CLP1: variants seen among roughly 807,000 people sequenced by gnomAD.
CLP1 encodes the protein cleavage factor polyribonucleotide kinase subunit 1, also known as polyribonucleotide 5'-hydroxyl-kinase Clp1.
In CLP1, 18 loss-of-function variants were observed where a neutral mutation model predicts 29.9. That is an observed-to-expected ratio of 0.60 (90% CI 0.42 to 0.89). The LOEUF is 0.89. Ranked by LOEUF, CLP1 falls within the 40% of genes least tolerant of loss-of-function variation. CLP1 has a pLI of 0.00. For synonymous variants in CLP1, 162 were observed against 206.2 expected, an observed-to-expected ratio of 0.79 and a Z score of 1.84; for missense variants, 357 against 544.8, an observed-to-expected ratio of 0.66 and a Z score of 3.43.
At position 57,661,597 on chromosome 11, in the gene CLP1, A is replaced by T; in HGVS notation, c.*161A>T. On this transcript the variant is annotated 3_prime_UTR_variant, in exon 3 of 3. Coordinates refer to ENST00000533682, the MANE Select transcript of CLP1 (RefSeq NM_006831.3). ...TCTAAAAACAGGTAGTGGTAACCTGACTCTTCTAATCTTGAACCAAAAGGA... is the reference window on the plus strand; with the variant it reads ...TCTAAAAACAGGTAGTGGTAACCTGTCTCTTCTAATCTTGAACCAAAAGGA... 1 of 615,780 alleles carries T rather than the reference A, an allele frequency of 1.6e-6. No individual in the cohort carries two copies. Among genetic ancestry groups the T allele is most frequent in the Non-Finnish European group, 2.8e-6 (1 of 357,544 alleles). 38.1% of individuals were successfully genotyped at this position (615,780 alleles called of 1,614,324 possible).
At chr11:57,660,678 T>C (rs536243675) in intron 2 of CLP1, 87 bp from the exon 3 acceptor site, 210 of 1,128,062 alleles carry the variant, frequency 1.9e-4, no homozygotes, top group South Asian at 4.8e-4. Context: ...TTTTCTTATA[T>C]CTAATAGCAC....
At position 57,660,760 on chromosome 11, in the gene CLP1, T is replaced by G; in HGVS notation, c.607-5T>G. On this transcript the variant is annotated splice_region_variant and splice_polypyrimidine_tract_variant and intron_variant, in intron 2 of 2. Coordinates refer to ENST00000533682, the MANE Select transcript of CLP1 (RefSeq NM_006831.3). ...TTGTTCTTACCTTGATCCTCTCTTTTGCAGATTACATCTCGTTTAGCAGAT... is the reference window on the plus strand; with the variant it reads ...TTGTTCTTACCTTGATCCTCTCTTTGGCAGATTACATCTCGTTTAGCAGAT... The G allele has an allele frequency of 6.4e-7, 1 of 1,570,512 alleles. No homozygotes were observed. Among genetic ancestry groups the G allele is most frequent in the Non-Finnish European group, 8.6e-7 (1 of 1,156,402 alleles).
chr11:57,658,484 T>C (rs1945842534), intron 1 of CLP1, among the ~76,000 whole-genome samples: 1 of 152,186 alleles, frequency 6.6e-6, no homozygotes, highest in Non-Finnish European at 1.5e-5. Context: ...CAAAAATGCC[T>C]AAGTCTTACA....
At position 57,660,947 on chromosome 11, in the gene CLP1, C is replaced by T. The variant is rs763551843; in HGVS notation, c.789C>T (p.Tyr263=). 3 of 1,614,188 alleles carry T rather than the reference C, an allele frequency of 1.9e-6. No individual in the cohort carries two copies. The highest frequency in any genetic ancestry group is 3.3e-5 in the Admixed American group (2 of 60,016). ...TTGTTCTGGATCAAGAACGACTGTA[C>T]AATGAACTGAAACGGGACCTCCCCC... ...VVVVLDQERL[Y]NELKRDLPHF... is the part of the protein sequence containing the mutation. Residue 263 remains tyrosine (Y), a synonymous_variant, in exon 3 of 3, where the codon TAC becomes TAT. Transcript: ENST00000533682.
chr11:57,660,577 G>T lies in CLP1; in HGVS notation c.607-188G>T, dbSNP rs531009975. On this transcript the variant is annotated intron_variant, in intron 2 of 2. Transcript: ENST00000533682. Reference sequence around the variant, plus strand: ...ACTGAGGCAGGAGAATCACTTGAACGCGGGAGGTGGAGGTTGCAGTGAGCT... The same window carrying T: ...ACTGAGGCAGGAGAATCACTTGAACTCGGGAGGTGGAGGTTGCAGTGAGCT... Among the ~76,000 whole-genome samples the T allele has an allele frequency of 7.2e-5, 11 of 152,248 alleles. 1 individual carries two copies. Among genetic ancestry groups the T allele is most frequent in the Non-Finnish European group, 1.3e-4 (9 of 68,012 alleles).
rs1235523632 is a variant in CLP1 at position 57,660,817 on chromosome 11, G to A, written c.659G>A (p.Arg220Lys). The change falls in exon 3 of 3, where the codon AGG (arginine) becomes AAG (lysine). Residue 220 changes from arginine (R) to lysine (K), a missense_variant. By Grantham distance (26) the Arg-to-Lys change is conservative (BLOSUM62 2). Transcript: ENST00000533682. ...VFNQRCEVNR[R>K]ASVSGCVINT... ...AACCAAAGGTGTGAGGTGAACCGAA[G>A]GGCATCTGTGAGTGGCTGTGTCATT... 6.2e-7 allele frequency: 1 copy of A among 1,612,398 alleles called. No individual in the cohort carries two copies.
chr11:57,661,825 T>A lies in CLP1; in HGVS notation c.*389T>A, dbSNP rs1316589371. The A allele has an allele frequency of 4.7e-6, 1 of 211,626 alleles. No individual in the cohort carries two copies. The highest frequency in any genetic ancestry group is 2.3e-5 in the African/African-American group (1 of 43,946). 13.1% of individuals were successfully genotyped at this position (211,626 alleles called of 1,614,324 possible). The stretch of plus-strand genomic sequence containing the variant: ...GGACTCCTTCCAATAAAGTTCAAAC[T>A]TAAAAAAAATCATTTTAATAAATAT... On this transcript the variant is annotated 3_prime_UTR_variant, in exon 3 of 3. Coordinates refer to ENST00000533682, the MANE Select transcript of CLP1 (RefSeq NM_006831.3).
At position 57,661,082 on chromosome 11, in the gene CLP1, C is replaced by G. The variant is rs1945872796; in HGVS notation, c.924C>G (p.Phe308Leu). 1 of 1,614,208 alleles carries G rather than the reference C, an allele frequency of 6.2e-7. No individual in the cohort carries two copies. Among genetic ancestry groups the G allele is most frequent in the African/African-American group, 1.3e-5 (1 of 75,034 alleles). The change falls in exon 3 of 3, where the codon TTC becomes TTG. Residue 308 changes from phenylalanine to leucine, a missense_variant. Phe to Leu is a conservative substitution (Grantham distance 22). Coordinates refer to ENST00000533682, the MANE Select transcript of CLP1 (RefSeq NM_006831.3). ...DERIREYFYG[F>L]RGCFYPHAFN... ...GTATCCGTGAGTATTTTTATGGATT[C>G]CGAGGCTGTTTCTATCCCCATGCCT...
chr11:57,661,252 T>G lies in CLP1; in HGVS notation c.1094T>G (p.Leu365Arg). 1 of 1,614,220 alleles carries G rather than the reference T, an allele frequency of 6.2e-7. No individual in the cohort carries two copies. ...VTPGRDMVHH[L>R]LSVSTAEGTE... The stretch of plus-strand genomic sequence containing the variant: ...CCTGGGCGAGATATGGTGCACCACC[T>G]ACTGAGTGTTAGCACTGCCGAGGGT... Residue 365 changes from leucine to arginine, a missense_variant, in exon 3 of 3, where the codon CTA becomes CGA. Coordinates refer to ENST00000533682, the MANE Select transcript of CLP1 (RefSeq NM_006831.3).
rs759409566 is a variant in CLP1 at position 57,660,898 on chromosome 11, C to T, written c.740C>T (p.Ser247Leu). Reference protein sequence around the residue: ...SGYQALVHAASAFEVDVVVVL... With the variant: ...SGYQALVHAALAFEVDVVVVL... ...TACCAGGCTCTGGTGCATGCAGCCT[C>T]AGCTTTTGAGGTGGATGTCGTTGTT... The change falls in exon 3 of 3, where the codon TCA (serine) becomes TTA (leucine). Residue 247 changes from serine to leucine, a missense_variant. Coordinates refer to ENST00000533682, the MANE Select transcript of CLP1 (RefSeq NM_006831.3). The T allele has an allele frequency of 1.2e-6, 2 of 1,614,170 alleles. No homozygotes were observed. The highest frequency in any genetic ancestry group is 1.7e-6 in the Non-Finnish European group (2 of 1,180,028).
In CLP1 at chr11:57,659,577, A is replaced by G. The variant is rs1945854373; in HGVS notation, c.101A>G (p.Gln34Arg). The G allele has an allele frequency of 6.2e-7, 1 of 1,614,036 alleles. No homozygotes were observed. Among genetic ancestry groups the G allele is most frequent in the Non-Finnish European group, 8.5e-7 (1 of 1,180,030 alleles). The part of the protein sequence containing the change: ...RFEVEASQSV[Q>R]LELLTGMAEI... ...GAGGTGGAGGCATCTCAGTCAGTTC[A>G]GTTGGAGTTGTTGACTGGCATGGCA... Residue 34 changes from glutamine (Q) to arginine (R), a missense_variant, in exon 2 of 3, where the codon CAG becomes CGG. Coordinates refer to ENST00000533682, the MANE Select transcript of CLP1 (RefSeq NM_006831.3).
Position 57,660,823 on chromosome 11 carries a change from C to T in CLP1, c.665C>T (p.Ser222Phe). 1 of 1,613,006 alleles carries T rather than the reference C, an allele frequency of 6.2e-7. No homozygotes were observed. Among genetic ancestry groups the T allele is most frequent in the Non-Finnish European group, 8.5e-7 (1 of 1,179,078 alleles). Residue 222 changes from serine to phenylalanine, a missense_variant, in exon 3 of 3, where the codon TCT becomes TTT. Physicochemically the swap from Ser to Phe is radical, Grantham distance 155. Coordinates refer to ENST00000533682, the MANE Select transcript of CLP1 (RefSeq NM_006831.3). The part of the protein sequence containing the change: ...NQRCEVNRRA[S>F]VSGCVINTCG... The stretch of plus-strand genomic sequence containing the variant: ...AGGTGTGAGGTGAACCGAAGGGCAT[C>T]TGTGAGTGGCTGTGTCATTAACACC...
In CLP1 at chr11:57,660,944, G is replaced by A. The variant is rs1340205221; in HGVS notation, c.786G>A (p.Leu262=). ...DVVVVLDQER[L]YNELKRDLPH... Reference sequence around the variant, plus strand: ...TTGTTGTTCTGGATCAAGAACGACTGTACAATGAACTGAAACGGGACCTCC... The same window carrying A: ...TTGTTGTTCTGGATCAAGAACGACTATACAATGAACTGAAACGGGACCTCC... Residue 262 remains leucine (L), a synonymous_variant, in exon 3 of 3, where the codon CTG becomes CTA. Transcript: ENST00000533682. 1 of 1,614,096 alleles carries A rather than the reference G, an allele frequency of 6.2e-7. No individual in the cohort carries two copies. Among genetic ancestry groups the A allele is most frequent in the African/African-American group, 1.3e-5 (1 of 74,930 alleles).
chr11:57,660,868 C>G lies in CLP1; in HGVS notation c.710C>G (p.Ser237Cys), dbSNP rs1945869696. 1 of 1,614,164 alleles carries G rather than the reference C, an allele frequency of 6.2e-7. No homozygotes were observed. Among genetic ancestry groups the G allele is most frequent in the Non-Finnish European group, 8.5e-7 (1 of 1,180,026 alleles). The change falls in exon 3 of 3, where the codon TCT becomes TGT. Residue 237 changes from serine to cysteine, a missense_variant. Physicochemically the swap from Ser to Cys is moderately radical, Grantham distance 112. Transcript: ENST00000533682. ...AACACCTGTGGCTGGGTCAAGGGCT[C>G]TGGTTACCAGGCTCTGGTGCATGCA... is the stretch of plus-strand genomic sequence containing the variant. ...VINTCGWVKG[S>C]GYQALVHAAS...
At position 57,660,914 on chromosome 11, in the gene CLP1, T is replaced by C. The variant is rs752599991; in HGVS notation, c.756T>C (p.Asp252=). 1 of 1,614,240 alleles carries C rather than the reference T, an allele frequency of 6.2e-7. No homozygotes were observed. The highest frequency in any genetic ancestry group is 1.7e-5 in the Admixed American group (1 of 60,024). The change falls in exon 3 of 3, where the codon GAT becomes GAC. Residue 252 remains aspartate, a synonymous_variant. Coordinates refer to ENST00000533682, the MANE Select transcript of CLP1 (RefSeq NM_006831.3). ...LVHAASAFEV[D]VVVVLDQERL... ...ATGCAGCCTCAGCTTTTGAGGTGGATGTCGTTGTTGTTCTGGATCAAGAAC... is the reference window on the plus strand; with the variant it reads ...ATGCAGCCTCAGCTTTTGAGGTGGACGTCGTTGTTGTTCTGGATCAAGAAC...
chr11:57,659,181 T>C (rs1945849266), intron 1 of CLP1, among the ~76,000 whole-genome samples: 1 of 151,622 alleles, frequency 6.6e-6, no homozygotes, highest in Admixed American at 6.6e-5. Context: ...CCACCTGGGT[T>C]CAAGCGATTC....
In CLP1 at chr11:57,661,495, C is replaced by G. The variant is rs1004441657; in HGVS notation, c.*59C>G. On this transcript the variant is annotated 3_prime_UTR_variant, in exon 3 of 3. Transcript: ENST00000533682. Reference sequence around the variant, plus strand: ...GAGATCATCTGGCCACCCCTAGAGGCAGATGGGCTGAGATAAAAGACTGTT... The same window carrying G: ...GAGATCATCTGGCCACCCCTAGAGGGAGATGGGCTGAGATAAAAGACTGTT... 7.0e-7 allele frequency: 1 copy of G among 1,430,230 alleles called. No homozygotes were observed. The highest frequency in any genetic ancestry group is 1.3e-5 in the South Asian group (1 of 76,614). The allele number at this position is 1,430,230 out of a possible 1,614,324, so 88.6% of individuals were successfully genotyped here. A position where few individuals can be genotyped will look rare whatever the true frequency, so the allele number is the denominator to read the frequency against.
Position 57,659,755 on chromosome 11 carries a change from C to T in CLP1, c.279C>T (p.Tyr93=). Residue 93 remains tyrosine, a synonymous_variant, in exon 2 of 3, where the codon TAC becomes TAT. Transcript: ENST00000533682. ...CCAAGGACACTCCTATGTTGCTTTA[C>T]CTCAACACTCACACAGCCTTGGAAC... ...YVSKDTPMLL[Y]LNTHTALEQM... 1 of 1,614,170 alleles carries T rather than the reference C, an allele frequency of 6.2e-7. No individual in the cohort carries two copies. Among genetic ancestry groups the T allele is most frequent in the South Asian group, 1.1e-5 (1 of 91,082 alleles).
Position 57,659,639 on chromosome 11 carries a change from T to C in CLP1, c.163T>C (p.Phe55Leu). ...FGTELTRNKK[F>L]TFDAGAKVAV... is the part of the protein sequence containing the mutation. The stretch of plus-strand genomic sequence containing the variant: ...CACAGAGCTGACCCGAAACAAGAAA[T>C]TCACCTTTGATGCTGGTGCCAAGGT... The change falls in exon 2 of 3, where the codon TTC (phenylalanine) becomes CTC (leucine). Residue 55 changes from phenylalanine (F) to leucine (L), a missense_variant. Physicochemically the swap from Phe to Leu is conservative, Grantham distance 22. Transcript: ENST00000533682. 1 of 1,614,046 alleles carries C rather than the reference T, an allele frequency of 6.2e-7. No individual in the cohort carries two copies. Among genetic ancestry groups the C allele is most frequent in the Non-Finnish European group, 8.5e-7 (1 of 1,180,014 alleles).
Sources: gnomAD v4.1 joint callset for allele counts (sites outside exome capture counted in the v4.1 genomes callset) on GRCh38, gnomAD v4.1.1 for gene constraint, MANE v1.5 for transcripts, NCBI Gene and HGNC (gene_info 2026-07-23, HGNC 2026-07-21) for gene names.